Variants in PDE6C observed in about 807,000 individuals in gnomAD.
PDE6C encodes phosphodiesterase 6C.
PDE6C carries 75 observed loss-of-function variants against 113.1 expected under a neutral mutation model. The ratio of observed to expected loss-of-function variants is 0.66; its 90% CI spans 0.55 to 0.80. The LOEUF (loss-of-function observed/expected upper bound fraction) is 0.80, where lower values mean the gene tolerates loss of function less well. Ranked by LOEUF, PDE6C falls within the 30% of genes least tolerant of loss-of-function variation. The pLI is 0.00. For synonymous variants in PDE6C, 375 were observed against 363.7 expected (o/e 1.03, Z -0.35); for missense variants, 912 against 1,038.6 (o/e 0.88, Z 1.67).
chr10:93,648,637 A>C (rs1320476189), intron 15 of PDE6C, among the ~76,000 whole-genome samples: 2 of 152,196 alleles, frequency 1.3e-5, no homozygotes, highest in Admixed American at 1.3e-4. Context: ...CTATCCTAGC[A>C]GAGATGGATT....
intron 15 of PDE6C, among the ~76,000 whole-genome samples, chr10:93,652,137 A>T (rs2133872998): frequency 6.6e-6 from 1 of 152,312 alleles, no homozygotes; most frequent in Admixed American, 6.5e-5. Context: ...CTAATGGAAA[A>T]ATAAGAAAAA....
chr10:93,646,160 A>C (rs559151141), intron 15 of PDE6C, 113 bp downstream of exon 15: 1 of 684,908 alleles, frequency 1.5e-6, no homozygotes, highest in African/African-American at 1.8e-5. Context: ...GATAGTGTAT[A>C]CCCTTGTTGA....
intron 1 of PDE6C, among the ~76,000 whole-genome samples, chr10:93,614,340 A>G (rs1166740166): frequency 6.6e-6 from 1 of 152,148 alleles, no homozygotes; most frequent in Non-Finnish European, 1.5e-5. Flanking sequence ...TCTGCAAACA[A>G]CCACAGAACA....
chr10:93,658,688 C>T (rs1564805805), intron 16 of PDE6C, among the ~76,000 whole-genome samples: 1 of 151,368 alleles, frequency 6.6e-6, no homozygotes, highest in African/African-American at 2.4e-5. Context: ...CTCTCTCTCT[C>T]TCTGTATGGT....
At chr10:93,644,535 T>C (rs1018271334) in intron 14 of PDE6C, among the ~76,000 whole-genome samples, 3 of 152,008 alleles carry the variant, frequency 2.0e-5, no homozygotes, top group Admixed American at 6.6e-5. Context: ...CTTGAACATT[T>C]ATGATTTCTT....
intron 11 of PDE6C, 42 bp downstream of exon 11, chr10:93,637,105 G>A (rs760725118): frequency 1.0e-6 from 1 of 995,454 alleles, no homozygotes; most frequent in Non-Finnish European, 1.6e-6. Flanking sequence ...TTAAATAGAG[G>A]CATTATAAAT....
At chr10:93,639,980 T>C in intron 11 of PDE6C, 90 bp from the exon 12 acceptor site, 1 of 1,301,708 alleles carries the variant, frequency 7.7e-7, no homozygotes. Context: ...TCTTTTATTG[T>C]AATTTTGGTT....
chr10:93,643,422 T>G (rs1162978678), intron 14 of PDE6C, among the ~76,000 whole-genome samples: 1 of 152,044 alleles, frequency 6.6e-6, no homozygotes, highest in Non-Finnish European at 1.5e-5. Context: ...GACAGGGTCT[T>G]ACCCTGTCAC....
rs554317255 is a variant in PDE6C, at chr10:93,657,679, C to T, written c.2037-1222C>T. Among the ~76,000 whole-genome samples, 4 of 152,236 alleles carry T rather than the reference C, an allele frequency of 2.6e-5. No homozygotes were observed. The South Asian group carries it at 6.2e-4, about 24-fold the overall frequency. ...TAATTAATTTACCCAGTCTTCTATT[C>T]ATAGACATTTCAATTGTTTCTAATT... is the stretch of plus-strand genomic sequence containing the variant. On this transcript the variant is annotated intron_variant, in intron 16 of 21. Transcript: ENST00000371447.
rs1007126350 is a variant in PDE6C, at chr10:93,634,673, A to G, written c.1120-85A>G. ...AAGGGTACCTGAAATCTCTCTGTAC[A>G]TTTCTTTTGTAATATCCTGTGAATT... On this transcript the variant is annotated intron_variant, in intron 8 of 21. Transcript: ENST00000371447. The G allele has an allele frequency of 4.0e-5, 57 of 1,422,068 alleles. No individual in the cohort carries two copies. The Admixed American group carries it at 9.5e-4, about 24-fold the overall frequency. 88.1% of individuals were successfully genotyped at this position (1,422,068 alleles called of 1,614,324 possible). A position where few individuals can be genotyped will look rare whatever the true frequency, so the allele number is the denominator to read the frequency against.
At chr10:93,655,633 G>GAAAAAAAAAAAA in intron 15 of PDE6C, 127 bp from the exon 16 acceptor site, 2 of 539,310 alleles carry the variant, frequency 3.7e-6, no homozygotes, top group African/African-American at 2.2e-5. Context: ...AAAAAAGGAA[G>GAAAAAAAAAAAA]GAAAACAAAA....
At chr10:93,642,170 C>G (rs2058563312) in intron 14 of PDE6C, among the ~76,000 whole-genome samples, 1 of 152,118 alleles carries the variant, frequency 6.6e-6, no homozygotes, top group Non-Finnish European at 1.5e-5. Flanking sequence ...TGGACACCAG[C>G]CTTGCCAACA....
intron 18 of PDE6C, among the ~76,000 whole-genome samples, chr10:93,660,137 G>C (rs1483962661): frequency 6.6e-6 from 1 of 152,142 alleles, no homozygotes; most frequent in East Asian, 1.9e-4. Flanking sequence ...AGAATAATTA[G>C]AACTCAGTGT....
intron 15 of PDE6C, among the ~76,000 whole-genome samples, chr10:93,651,358 C>T (rs1235419969): frequency 1.3e-5 from 2 of 152,188 alleles, no homozygotes; most frequent in Non-Finnish European, 2.9e-5. Context: ...TTAATTGACT[C>T]ACAGTTCTGC....
chr10:93,643,070 A>G (rs1436560683), intron 14 of PDE6C, among the ~76,000 whole-genome samples: 1 of 152,188 alleles, frequency 6.6e-6, no homozygotes, highest in East Asian at 1.9e-4. Context: ...TAAGGACTTG[A>G]TACCTACTGC....
intron 11 of PDE6C, among the ~76,000 whole-genome samples, chr10:93,637,660 G>C (rs1320538438): frequency 6.6e-6 from 1 of 152,132 alleles, no homozygotes; most frequent in Non-Finnish European, 1.5e-5. Context: ...CTTTTGTTAA[G>C]ATTCTAACTC....
chr10:93,629,872 C>T (rs1031882491), intron 8 of PDE6C, among the ~76,000 whole-genome samples: 2 of 152,122 alleles, frequency 1.3e-5, no homozygotes, highest in Non-Finnish European at 2.9e-5. Flanking sequence ...CTGCTCTCCT[C>T]CTGCTGTACA....
chr10:93,655,781 C>A lies in PDE6C; in HGVS notation c.1957C>A (p.Leu653Ile). Reference sequence around the variant, plus strand: ...ACAGAGTTTAAACATCTTCCAGAACCTAAATAAGCGGCAGTTTGAAACAGT... The same window carrying A: ...ACAGAGTTTAAACATCTTCCAGAACATAAATAAGCGGCAGTTTGAAACAGT... The part of the protein sequence containing the change: ...QDESLNIFQN[L>I]NKRQFETVIH... Residue 653 changes from leucine (L) to isoleucine (I), a missense_variant, in exon 16 of 22, where the codon CTA becomes ATA. By Grantham distance (5) the Leu-to-Ile change is conservative (BLOSUM62 2). Transcript: ENST00000371447. The A allele has an allele frequency of 6.2e-7, 1 of 1,602,234 alleles. No individual in the cohort carries two copies. Among genetic ancestry groups the A allele is most frequent in the Non-Finnish European group, 8.6e-7 (1 of 1,169,354 alleles).
chr10:93,635,614 A>T lies in PDE6C; in HGVS notation c.1387A>T (p.Thr463Ser). 1 of 1,613,964 alleles carries T rather than the reference A, an allele frequency of 6.2e-7. No homozygotes were observed. The highest frequency in any genetic ancestry group is 8.5e-7 in the Non-Finnish European group (1 of 1,179,878). Residue 463 changes from threonine to serine, a missense_variant, in exon 10 of 22, where the codon ACT (threonine) becomes TCT (serine). Physicochemically the swap from Thr to Ser is moderately conservative, Grantham distance 58. Transcript: ENST00000371447. Reference sequence around the variant, plus strand: ...AATGCTCATGAACCAAACCAAAGCCACTCCTGAAGAAATTAAGTCCATTTT... The same window carrying T: ...AATGCTCATGAACCAAACCAAAGCCTCTCCTGAAGAAATTAAGTCCATTTT... ...QEMLMNQTKA[T>S]PEEIKSILKF...
Sources: gnomAD v4.1 joint callset for allele counts (sites outside exome capture counted in the v4.1 genomes callset) on GRCh38, gnomAD v4.1.1 for gene constraint, MANE v1.5 for transcripts, NCBI Gene and HGNC (gene_info 2026-07-23, HGNC 2026-07-21) for gene names.